Variants in HHAT observed in about 807,000 individuals in gnomAD.
HHAT encodes protein-cysteine N-palmitoyltransferase HHAT.
A neutral mutation model predicts 70.8 loss-of-function variants in HHAT; 47 were observed. The ratio of observed to expected loss-of-function variants is 0.66; its 90% CI spans 0.53 to 0.85. The LOEUF (loss-of-function observed/expected upper bound fraction) is 0.85, where lower values mean the gene tolerates loss of function less well. Ranked by LOEUF, HHAT falls within the 40% of genes least tolerant of loss-of-function variation. The pLI is 0.00. For missense variants in HHAT, 609 were observed against 604.8 expected (o/e 1.01, Z -0.07); for synonymous variants, 228 against 247.6 (o/e 0.92, Z 0.74).
chr1:210,647,139 T>G (rs541272402), intron 11 of HHAT, among the ~76,000 whole-genome samples: 1 of 152,318 alleles, frequency 6.6e-6, no homozygotes, highest in South Asian at 2.1e-4. Context: ...CGAGACTTGG[T>G]AGAATCCTGC....
intron 8 of HHAT, among the ~76,000 whole-genome samples, chr1:210,496,427 A>G (rs946331536): frequency 1.3e-5 from 2 of 152,216 alleles, no homozygotes; most frequent in African/African-American, 4.8e-5. Flanking sequence ...GATCAAAAGT[A>G]ATCAACTCTG....
intron 10 of HHAT, among the ~76,000 whole-genome samples, chr1:210,594,243 C>T (rs1441435170): frequency 6.6e-6 from 1 of 151,930 alleles, no homozygotes; most frequent in Non-Finnish European, 1.5e-5. Flanking sequence ...TCCTTCTTTC[C>T]CTCCTTTCTG....
chr1:210,574,695 C>T (rs999972571), intron 9 of HHAT, among the ~76,000 whole-genome samples: 35 of 152,346 alleles, frequency 2.3e-4, no homozygotes, highest in African/African-American at 7.9e-4. Flanking sequence ...GGGCCATGGG[C>T]CCTGCCTCTG....
In HHAT at chr1:210,588,246, G is replaced by T. The variant is rs1660924133; in HGVS notation, c.1245+147G>T. On this transcript the variant is annotated intron_variant, in intron 10 of 11. Coordinates refer to ENST00000261458, the MANE Select transcript of HHAT (RefSeq NM_018194.6). Reference sequence around the variant, plus strand: ...AGTCCATATGCCTAGAGGCAAGACAGCTGGAAAAGAAGCTTCTGTAGTGCA... The same window carrying T: ...AGTCCATATGCCTAGAGGCAAGACATCTGGAAAAGAAGCTTCTGTAGTGCA... The T allele has an allele frequency of 1.4e-5, 9 of 638,454 alleles. 1 individual carries two copies. The highest frequency in any genetic ancestry group is 1.9e-5 in the Non-Finnish European group (7 of 370,880). 39.5% of individuals were successfully genotyped at this position (638,454 alleles called of 1,614,324 possible).
intron 3 of HHAT, among the ~76,000 whole-genome samples, chr1:210,376,338 C>G (rs1322928941): frequency 6.6e-6 from 1 of 152,102 alleles, no homozygotes; most frequent in African/African-American, 2.4e-5. Context: ...CCAGTCTGCT[C>G]TTTTCACCAT....
At chr1:210,369,135 T>TA (rs1373432864) in intron 3 of HHAT, among the ~76,000 whole-genome samples, 2 of 151,280 alleles carry the variant, frequency 1.3e-5, no homozygotes, top group African/African-American at 4.9e-5. Flanking sequence ...AGCAAGGAGG[T>TA]AACGTTCTAC....
intron 2 of HHAT, among the ~76,000 whole-genome samples, chr1:210,362,216 C>T (rs1393149786): frequency 6.6e-6 from 1 of 151,140 alleles, no homozygotes; most frequent in Non-Finnish European, 1.5e-5. Context: ...AGTTTTGTGG[C>T]ATAGTCTGTG....
chr1:210,586,221 T>A (rs574997912), intron 9 of HHAT, among the ~76,000 whole-genome samples: 42 of 152,276 alleles, frequency 2.8e-4, no homozygotes, highest in East Asian at 3.9e-4. Context: ...GACAGGAGGT[T>A]CACTTGAGGC....
chr1:210,628,059 A>G (rs1349783802), intron 11 of HHAT, among the ~76,000 whole-genome samples: 1 of 152,170 alleles, frequency 6.6e-6, no homozygotes, highest in Non-Finnish European at 1.5e-5. Flanking sequence ...AGAGCTCTGT[A>G]ATTCAAAGGT....
chr1:210,521,668 A>G (rs968857967), intron 9 of HHAT, among the ~76,000 whole-genome samples: 1 of 152,194 alleles, frequency 6.6e-6, no homozygotes. Context: ...AATGTTCAAA[A>G]AATCTGCCTT....
chr1:210,497,217 T>A (rs1428684355), intron 8 of HHAT, among the ~76,000 whole-genome samples: 1 of 152,206 alleles, frequency 6.6e-6, no homozygotes, highest in African/African-American at 2.4e-5. Context: ...TGTAGAATAA[T>A]TACAGACATG....
chr1:210,594,465 A>C (rs1558236342), intron 10 of HHAT, among the ~76,000 whole-genome samples: 1 of 152,116 alleles, frequency 6.6e-6, no homozygotes, highest in East Asian at 1.9e-4. Flanking sequence ...CTTTGTTTGC[A>C]CTGCTTTTAA....
chr1:210,605,950 A>G (rs11119549), intron 10 of HHAT, among the ~76,000 whole-genome samples: 126,834 of 151,646 alleles, frequency 0.84, 54,324 homozygotes, highest in East Asian at 0.99. Flanking sequence ...TCCACCTCCC[A>G]GGTTCAAGCG....
rs1415007197 is a variant in HHAT, at chr1:210,423,500, T to C, written c.856+5175T>C. ...AGTAGTTTGCAAATATTTTCTCCTATTCTGTAAGTTGTCTTTTCACTCTGT... is the reference window on the plus strand; with the variant it reads ...AGTAGTTTGCAAATATTTTCTCCTACTCTGTAAGTTGTCTTTTCACTCTGT... On this transcript the variant is annotated intron_variant, in intron 7 of 11. Transcript: ENST00000261458. 2.6e-5 allele frequency among the ~76,000 whole-genome samples: 4 copies of C among 152,222 alleles called. No homozygotes were observed. In the East Asian group the frequency reaches 7.7e-4, roughly 29 times the overall value.
intron 8 of HHAT, among the ~76,000 whole-genome samples, chr1:210,487,591 A>G (rs978636845): frequency 1.3e-5 from 2 of 152,204 alleles, no homozygotes; most frequent in African/African-American, 2.4e-5. Context: ...AATGGCTTGG[A>G]AGAATGATCC....
At chr1:210,454,363 T>C (rs899429102) in intron 7 of HHAT, among the ~76,000 whole-genome samples, 10 of 152,120 alleles carry the variant, frequency 6.6e-5, no homozygotes, top group Non-Finnish European at 1.0e-4. Context: ...ACCATCCTGG[T>C]GAACATGGTG....
intron 6 of HHAT, among the ~76,000 whole-genome samples, chr1:210,405,543 G>A (rs1042929858): frequency 1.3e-5 from 2 of 151,222 alleles, no homozygotes; most frequent in South Asian, 2.1e-4. Context: ...ACATACCCAC[G>A]CATACGCACA....
chr1:210,643,091 T>C (rs906601022), intron 11 of HHAT, among the ~76,000 whole-genome samples: 2 of 152,242 alleles, frequency 1.3e-5, no homozygotes, highest in African/African-American at 4.8e-5. Context: ...GCAACATTCA[T>C]TGAAAAAACC....
chr1:210,546,947 G>A (rs1038001340), intron 9 of HHAT, among the ~76,000 whole-genome samples: 1 of 151,396 alleles, frequency 6.6e-6, no homozygotes, highest in Non-Finnish European at 1.5e-5. Flanking sequence ...GTGATGAACT[G>A]GGGCCATCAC....
Sources: gnomAD v4.1 joint callset for allele counts (sites outside exome capture counted in the v4.1 genomes callset) on GRCh38, gnomAD v4.1.1 for gene constraint, MANE v1.5 for transcripts, NCBI Gene and HGNC (gene_info 2026-07-23, HGNC 2026-07-21) for gene names.